Variants in LRRC74A observed in about 807,000 individuals in gnomAD.
LRRC74A encodes the protein leucine-rich repeat-containing protein 74A.
In LRRC74A, 44 loss-of-function variants were observed where a neutral mutation model predicts 57.9. The ratio of observed to expected loss-of-function variants is 0.76; its 90% CI spans 0.60 to 0.98. LRRC74A has a LOEUF of 0.98. LRRC74A is among the 50% of genes least tolerant of loss of function. The pLI is 0.00. For missense variants in LRRC74A, 572 were observed against 574.0 expected (o/e 1.00, Z 0.04); for synonymous variants, 211 against 219.4 (o/e 0.96, Z 0.34).
At chr14:76,853,083 G>A in intron 8 of LRRC74A, 133 bp from the exon 9 acceptor site, 1 of 758,026 alleles carries the variant, frequency 1.3e-6, no homozygotes, top group East Asian at 2.5e-5. Flanking sequence ...TGAATGATCT[G>A]GCAGACCCAT....
chr14:76,869,122 C>T (rs980536212), intron 13 of LRRC74A, among the ~76,000 whole-genome samples: 1 of 151,376 alleles, frequency 6.6e-6, no homozygotes, highest in African/African-American at 2.4e-5. Context: ...TCCTCACCTG[C>T]CCCGTGCCTC....
intron 8 of LRRC74A, among the ~76,000 whole-genome samples, chr14:76,852,850 C>G (rs1046328015): frequency 2.6e-5 from 4 of 152,126 alleles, no homozygotes; most frequent in Non-Finnish European, 5.9e-5. Flanking sequence ...AACTCCTGAC[C>G]TTGTGATCCA....
rs902602567 is a variant in LRRC74A at position 76,865,640 on chromosome 14, C to T, written c.1201-328C>T. Among the ~76,000 whole-genome samples the T allele has an allele frequency of 2.6e-5, 4 of 152,222 alleles. No individual in the cohort carries two copies. The South Asian group carries it at 6.2e-4, about 24-fold the overall frequency. ...TCACTGTCCCATCCTCGTGGCACTG[C>T]GGTGCCTGAACAGCCTTGACTTCAG... On this transcript the variant is annotated intron_variant, in intron 11 of 13. Transcript: ENST00000689127.
At chr14:76,833,876 A>G (rs1334230302) in intron 3 of LRRC74A, among the ~76,000 whole-genome samples, 1 of 152,214 alleles carries the variant, frequency 6.6e-6, no homozygotes, top group Non-Finnish European at 1.5e-5. Context: ...AACATAGTAT[A>G]TTTAGGGTTT....
chr14:76,848,711 A>G (rs1897257489), intron 7 of LRRC74A, among the ~76,000 whole-genome samples: 1 of 152,234 alleles, frequency 6.6e-6, no homozygotes, highest in Admixed American at 6.5e-5. Context: ...AAGGATGGAA[A>G]ATGCTGAGAG....
intron 10 of LRRC74A, among the ~76,000 whole-genome samples, chr14:76,859,124 C>T (rs1898100743): frequency 6.6e-6 from 1 of 152,174 alleles, no homozygotes; most frequent in African/African-American, 2.4e-5. Context: ...ATGCTGCCTT[C>T]ACCCCTGAGT....
chr14:76,836,197 C>T lies in LRRC74A; in HGVS notation c.340-10C>T, dbSNP rs201052561. On this transcript the variant is annotated splice_polypyrimidine_tract_variant and intron_variant, in intron 3 of 13. Transcript: ENST00000689127. ...CTGTGTCTCTCTCCCTCCCCTTGTG[C>T]TGGCTGAAGTCCAACATGGCTGTTA... The T allele has an allele frequency of 2.3e-3, 3,745 of 1,603,338 alleles. 99 individuals are homozygous for T. In the South Asian group the frequency reaches 0.039, roughly 17 times the overall value.
At chr14:76,850,285 T>A (rs995633620) in intron 7 of LRRC74A, among the ~76,000 whole-genome samples, 1 of 152,180 alleles carries the variant, frequency 6.6e-6, no homozygotes, top group Non-Finnish European at 1.5e-5. Context: ...AAAGGAAGGA[T>A]AAGTAACCTG....
At chr14:76,870,000 A>G in intron 13 of LRRC74A, 125 bp from the exon 14 acceptor site, 1 of 940,900 alleles carries the variant, frequency 1.1e-6, no homozygotes, top group African/African-American at 1.6e-5. Context: ...TAACAGCATG[A>G]CCTCTAAGGC....
At position 76,828,413 on chromosome 14, in the gene LRRC74A, AT is replaced by A; in HGVS notation, c.162del (p.Ile54MetfsTer22). 1 of 1,613,980 alleles carries A rather than the reference AT, an allele frequency of 6.2e-7. No individual in the cohort carries two copies. Among genetic ancestry groups the A allele is most frequent in the Middle Eastern group, 1.6e-4 (1 of 6,062 alleles). ...ARENSETDLE[I>X]EDDEKFFTTG... Reference sequence around the variant, plus strand: ...GGAGAATTCGGAAACAGACCTGGAGATTGAAGGCGAGCATGGGCATTTGGGG... The same window carrying A: ...GGAGAATTCGGAAACAGACCTGGAGATGAAGGCGAGCATGGGCATTTGGGG... On this transcript the variant is annotated frameshift_variant, in exon 2 of 14. Coordinates refer to ENST00000689127, the MANE Select transcript of LRRC74A (RefSeq NM_001385106.1). LOFTEE classifies it high-confidence loss of function.
At chr14:76,863,997 T>G (rs1003969271) in intron 11 of LRRC74A, among the ~76,000 whole-genome samples, 1 of 152,260 alleles carries the variant, frequency 6.6e-6, no homozygotes, top group African/African-American at 2.4e-5. Context: ...CCATCCATTC[T>G]GACCCCCAGC....
At chr14:76,840,991 AT>A (rs1377507747) in intron 5 of LRRC74A, among the ~76,000 whole-genome samples, 1 of 152,176 alleles carries the variant, frequency 6.6e-6, no homozygotes, top group African/African-American at 2.4e-5. Flanking sequence ...AATACAAAAA[AT>A]GATGATGTAC....
intron 4 of LRRC74A, among the ~76,000 whole-genome samples, chr14:76,837,141 CA>C (rs1271855674): frequency 2.7e-5 from 4 of 150,732 alleles, no homozygotes; most frequent in Non-Finnish European, 5.9e-5. Flanking sequence ...GACTCTGTTT[CA>C]AAAAAAAATT....
rs762545754 is a variant in LRRC74A at position 76,831,355 on chromosome 14, G to C, written c.319G>C (p.Ala107Pro). ...HHGLGPRGTK[A>P]IAIALVSNMA... The stretch of plus-strand genomic sequence containing the variant: ...CGGCCTGGGCCCCAGGGGTACCAAG[G>C]CTATTGCTATAGCCCTGGTGGTGAG... Residue 107 changes from alanine (A) to proline (P), a missense_variant, in exon 3 of 14, where the codon GCT (alanine) becomes CCT (proline). Ala to Pro is a conservative substitution (Grantham distance 27, BLOSUM62 -1). Coordinates refer to ENST00000689127, the MANE Select transcript of LRRC74A (RefSeq NM_001385106.1). 1 of 1,613,538 alleles carries C rather than the reference G, an allele frequency of 6.2e-7. No individual in the cohort carries two copies. Among genetic ancestry groups the C allele is most frequent in the South Asian group, 1.1e-5 (1 of 91,060 alleles).
intron 13 of LRRC74A, among the ~76,000 whole-genome samples, chr14:76,869,508 T>C (rs1430140305): frequency 6.6e-6 from 1 of 152,006 alleles, no homozygotes; most frequent in Non-Finnish European, 1.5e-5. Flanking sequence ...ATCCCAGCAC[T>C]TTGGGAGGCC....
chr14:76,850,423 T>G (rs1897373231), intron 7 of LRRC74A, among the ~76,000 whole-genome samples: 1 of 150,696 alleles, frequency 6.6e-6, no homozygotes, highest in Admixed American at 6.6e-5. Context: ...GAAATAAGGG[T>G]AAAAAGAGAG....
At chr14:76,852,028 T>G (rs2140294399) in intron 7 of LRRC74A, among the ~76,000 whole-genome samples, 1 of 152,310 alleles carries the variant, frequency 6.6e-6, no homozygotes, top group African/African-American at 2.4e-5. Context: ...TCCCATATTC[T>G]GTGCTGTAGT....
intron 10 of LRRC74A, among the ~76,000 whole-genome samples, chr14:76,857,813 C>G (rs1374127630): frequency 1.3e-5 from 2 of 152,170 alleles, no homozygotes; most frequent in Non-Finnish European, 2.9e-5. Context: ...AGATGAGTGG[C>G]CCTCGGTCCC....
chr14:76,844,952 C>A, intron 7 of LRRC74A, 51 bp downstream of exon 7: 1 of 968,630 alleles, frequency 1.0e-6, no homozygotes, highest in Non-Finnish European at 1.6e-6. Context: ...AGGGAAGAAT[C>A]ACTTGGCAGA....
Sources: gnomAD v4.1 joint callset for allele counts (sites outside exome capture counted in the v4.1 genomes callset) on GRCh38, gnomAD v4.1.1 for gene constraint, MANE v1.5 for transcripts, NCBI Gene and HGNC (gene_info 2026-07-23, HGNC 2026-07-21) for gene names.